The following SLC35D1 variants were observed in gnomAD, a reference collection of about 807,000 sequenced individuals.
The protein encoded by SLC35D1 is solute carrier family 35 member D1.
A neutral mutation model predicts 46.7 loss-of-function variants in SLC35D1; 31 were observed. That is an observed-to-expected ratio of 0.66 (90% confidence interval 0.50 to 0.90). The LOEUF (loss-of-function observed/expected upper bound fraction) is 0.90, where lower values mean the gene tolerates loss of function less well. Ranked by LOEUF, SLC35D1 falls within the 40% of genes least tolerant of loss-of-function variation. SLC35D1 has a pLI of 0.00. For missense variants in SLC35D1, 397 were observed against 426.2 expected (o/e 0.93, Z 0.60); for synonymous variants, 195 against 164.6 (o/e 1.18, Z -1.41).
chr1:66,988,679 T>TGAA, the SLC35D1 span: 10 of 152,358 alleles, frequency 6.6e-5, no homozygotes, highest in Middle Eastern at 3.2e-3. Context: ...TGAAGAATAT[T>TGAA]GAAGAATTGC....
intron 8 of SLC35D1, among the ~76,000 whole-genome samples, chr1:67,029,280 A>T (rs1228820656): frequency 6.6e-6 from 1 of 152,216 alleles, no homozygotes; most frequent in African/African-American, 2.4e-5. Flanking sequence ...AGACATTGCA[A>T]ATACCTTGAT....
At chr1:66,980,676 AAC>A in the SLC35D1 span, among the ~76,000 whole-genome samples, 6 of 152,204 alleles carry the variant, frequency 3.9e-5, no homozygotes, top group Non-Finnish European at 8.8e-5. Context: ...TAAGATAAAT[AAC>A]ACAATTAGAA....
At chr1:67,033,737 G>A (rs893327031) in intron 8 of SLC35D1, among the ~76,000 whole-genome samples, 1 of 152,096 alleles carries the variant, frequency 6.6e-6, no homozygotes, top group African/African-American at 2.4e-5. Context: ...TGTGCTTGTG[G>A]GGTATTACTA....
At position 67,037,783 on chromosome 1, in the gene SLC35D1, T is replaced by A. The variant is rs78032746; in HGVS notation, c.729+4453A>T. Among the ~76,000 whole-genome samples, 7 of 152,320 alleles carry A rather than the reference T, an allele frequency of 4.6e-5. No individual in the cohort carries two copies. The East Asian group carries it at 1.3e-3, about 29-fold the overall frequency. On this transcript the variant is annotated intron_variant, in intron 8 of 11. Coordinates refer to ENST00000235345, the MANE Select transcript of SLC35D1 (RefSeq NM_015139.3). ...CTAAAAATAAACCACTGAGTTTGCA[T>A]GTCATGGTAAAGAAAAAAGATTAAT...
At chr1:66,976,494 A>G in the SLC35D1 span, 1 of 1,065,138 alleles carries the variant, frequency 9.4e-7, no homozygotes, top group Non-Finnish European at 1.4e-6. Flanking sequence ...ATTATATTTC[A>G]GTTAAGGACT....
intron 6 of SLC35D1, among the ~76,000 whole-genome samples, chr1:67,048,695 T>C (rs1032692493): frequency 2.6e-4 from 39 of 152,218 alleles, no homozygotes; most frequent in African/African-American, 9.4e-4. Context: ...GTGGCATTAG[T>C]AAATACATAT....
the SLC35D1 span, chr1:66,981,720 T>C: frequency 2.2e-6 from 3 of 1,394,772 alleles, no homozygotes; most frequent in Non-Finnish European, 2.0e-6. Flanking sequence ...GAATTTAACC[T>C]CAACTAATTT....
chr1:67,003,919 T>C lies in SLC35D1; in HGVS notation c.*421A>G, dbSNP rs957969390. On this transcript the variant is annotated 3_prime_UTR_variant, in exon 12 of 12. Transcript: ENST00000235345. The stretch of plus-strand genomic sequence containing the variant: ...GAGAAATTTCACATATTCGTCTGCA[T>C]TTCCAGCAGAGGAAAGGCTAAACTG... 1.4e-5 allele frequency: 3 copies of C among 208,580 alleles called. No homozygotes were observed. The Admixed American group carries it at 1.6e-4, about 11-fold the overall frequency. 12.9% of individuals were successfully genotyped at this position (208,580 alleles called of 1,614,324 possible).
At chr1:67,031,285 G>A (rs1213949654) in intron 8 of SLC35D1, among the ~76,000 whole-genome samples, 1 of 151,894 alleles carries the variant, frequency 6.6e-6, no homozygotes, top group Non-Finnish European at 1.5e-5. Flanking sequence ...TTCGCCACAG[G>A]AATAGATCTT....
At chr1:67,027,341 C>T (rs1558157828) in intron 8 of SLC35D1, among the ~76,000 whole-genome samples, 1 of 151,956 alleles carries the variant, frequency 6.6e-6, no homozygotes, top group East Asian at 1.9e-4. Flanking sequence ...AAAATCTTAG[C>T]TTTTAGTTTC....
At position 67,003,978 on chromosome 1, in the gene SLC35D1, C is replaced by T. The variant is rs1570602544; in HGVS notation, c.*362G>A. On this transcript the variant is annotated 3_prime_UTR_variant, in exon 12 of 12. Coordinates refer to ENST00000235345, the MANE Select transcript of SLC35D1 (RefSeq NM_015139.3). ...TGCAGCAACAATTTGAATGATGAAG[C>T]TCCAGTTGGCAAACATTACATATGC... The T allele has an allele frequency of 8.6e-6, 2 of 232,430 alleles. No individual in the cohort carries two copies. Among genetic ancestry groups the T allele is most frequent in the Admixed American group, 5.2e-5 (1 of 19,356 alleles). 14.4% of individuals were successfully genotyped at this position (232,430 alleles called of 1,614,324 possible).
rs1570648084 is a variant in SLC35D1 at position 67,051,988 on chromosome 1, C to T, written c.392+24G>A. On this transcript the variant is annotated intron_variant, in intron 4 of 11. Coordinates refer to ENST00000235345, the MANE Select transcript of SLC35D1 (RefSeq NM_015139.3). ...TTAAGAATACATTATATTAACCTCA[C>T]TAGTAAAATAAAGTTATCCATACTT... The T allele has an allele frequency of 2.0e-6, 3 of 1,463,432 alleles. No homozygotes were observed. The East Asian group carries it at 6.8e-5, about 33-fold the overall frequency. The allele number at this position is 1,463,432 out of a possible 1,614,324, so 90.7% of individuals were successfully genotyped here. A position where few individuals can be genotyped will look rare whatever the true frequency, so the allele number is the denominator to read the frequency against.
At chr1:67,052,223 C>T (rs1419763161) in intron 3 of SLC35D1, 144 bp from the exon 4 acceptor site, 1 of 654,724 alleles carries the variant, frequency 1.5e-6, no homozygotes, top group Non-Finnish European at 2.8e-6. Context: ...AATTTTGACA[C>T]CCAAACACCC....
At chr1:67,024,424 TAC>T (rs1428632229) in intron 8 of SLC35D1, among the ~76,000 whole-genome samples, 3 of 152,218 alleles carry the variant, frequency 2.0e-5, no homozygotes, top group African/African-American at 4.8e-5. Flanking sequence ...TTTTAGCTTT[TAC>T]AGTTAGGTCT....
chr1:67,035,636 C>T (rs1668107126), intron 8 of SLC35D1, among the ~76,000 whole-genome samples: 1 of 151,842 alleles, frequency 6.6e-6, no homozygotes, highest in Non-Finnish European at 1.5e-5. Context: ...AGAAAACCAA[C>T]TTTTTGTTTC....
chr1:67,052,980 G>T lies in SLC35D1; in HGVS notation c.213C>A (p.Ser71=), dbSNP rs374766656. Residue 71 remains serine, a synonymous_variant, in exon 2 of 12, where the codon TCC becomes TCA. Coordinates refer to ENST00000235345, the MANE Select transcript of SLC35D1 (RefSeq NM_015139.3). ...CCTGGCCAAGTCCAACACATAGTGA[G>T]GAGGGAAATCTACAAAAAGGGCAAA... The part of the protein sequence containing the change: ...KSVLTNYRFP[S]SLCVGLGQMV... 25 of 1,613,992 alleles carry T rather than the reference G, an allele frequency of 1.5e-5. No individual in the cohort carries two copies. In the African/African-American group the frequency reaches 2.4e-4, roughly 15 times the overall value.
chr1:67,021,916 G>C (rs1461361577), intron 8 of SLC35D1, among the ~76,000 whole-genome samples: 4 of 152,132 alleles, frequency 2.6e-5, no homozygotes, highest in Non-Finnish European at 5.9e-5. Context: ...AAAGAAACTG[G>C]TATTTCCTTG....
At chr1:67,047,676 C>T (rs1331892871) in intron 6 of SLC35D1, among the ~76,000 whole-genome samples, 4 of 150,512 alleles carry the variant, frequency 2.7e-5, no homozygotes, top group African/African-American at 7.5e-5. Context: ...CCATTAAGTA[C>T]ATCTGTGAAG....
Position 67,047,327 on chromosome 1 carries a change from G to T in SLC35D1, c.574C>A (p.Leu192Met). Residue 192 changes from leucine to methionine, a missense_variant, in exon 7 of 12, where the codon CTG (leucine) becomes ATG (methionine). By Grantham distance (15) the Leu-to-Met change is conservative. Transcript: ENST00000235345. ...GCTGCTGTTAGGACATCGTTTATCAGAATAAAAGCATATCCTTCCAGATCA... is the reference window on the plus strand; with the variant it reads ...GCTGCTGTTAGGACATCGTTTATCATAATAAAAGCATATCCTTCCAGATCA... ...AFDLEGYAFI[L>M]INDVLTAANG... 1.9e-6 allele frequency: 3 copies of T among 1,613,302 alleles called. No individual in the cohort carries two copies. The highest frequency in any genetic ancestry group is 2.5e-6 in the Non-Finnish European group (3 of 1,179,892).
Sources: allele counts gnomAD v4.1 joint callset (sites outside exome capture counted in the v4.1 genomes callset), GRCh38; gene constraint gnomAD v4.1.1; transcripts MANE v1.5; gene names NCBI Gene and HGNC (gene_info 2026-07-23, HGNC 2026-07-21).